ACACA: variants seen among roughly 807,000 people sequenced by gnomAD.
The protein encoded by ACACA is acetyl-CoA carboxylase 1.
ACACA carries 103 observed loss-of-function variants against 296.1 expected under a neutral mutation model. The ratio of observed to expected loss-of-function variants is 0.35; its 90% CI spans 0.30 to 0.41. The LOEUF is 0.41. ACACA is among the 10% of genes least tolerant of loss of function. The pLI, the probability that ACACA is intolerant of heterozygous loss-of-function variation, is 1.00. For synonymous variants in ACACA, 953 were observed against 1,038.6 expected, an observed-to-expected ratio of 0.92 and a Z score of 1.58; for missense variants, 1,554 against 2,989.7, an observed-to-expected ratio of 0.52 and a Z score of 11.20.
intron 45 of ACACA, chr17:37,144,024 A>G (rs531600303): frequency 2.6e-5 from 20 of 777,116 alleles, no homozygotes; most frequent in East Asian, 2.2e-4. Flanking sequence ...GTGCATTGGG[A>G]TCCCTGAACT....
intron 54 of ACACA, among the ~76,000 whole-genome samples, chr17:37,091,314 G>T (rs1433464490): frequency 6.6e-6 from 1 of 152,098 alleles, no homozygotes; most frequent in Non-Finnish European, 1.5e-5. Context: ...TGAAAATATG[G>T]GTCCTATAAA....
intron 3 of ACACA, among the ~76,000 whole-genome samples, chr17:37,320,898 G>A (rs2047324436): frequency 6.6e-6 from 1 of 150,576 alleles, no homozygotes. Flanking sequence ...AGTGAGCCGA[G>A]ATCACGCCAT....
At chr17:37,263,536 T>G (rs963202636) in intron 11 of ACACA, 149 bp downstream of exon 11, 1 of 712,470 alleles carries the variant, frequency 1.4e-6, no homozygotes, top group East Asian at 2.7e-5. Flanking sequence ...GGGAGAACAG[T>G]AGAATTTTTT....
intron 18 of ACACA, among the ~76,000 whole-genome samples, chr17:37,247,374 C>T (rs199927321): frequency 1.6e-4 from 23 of 145,644 alleles, no homozygotes; most frequent in South Asian, 2.1e-4. Flanking sequence ...TTGTGAATTT[C>T]TTTTTTTTTT....
intron 11 of ACACA, among the ~76,000 whole-genome samples, chr17:37,260,706 T>C (rs935800867): frequency 6.6e-6 from 1 of 150,636 alleles, no homozygotes; most frequent in African/African-American, 2.4e-5. Flanking sequence ...ACTTCAATCA[T>C]GCAAATGAGA....
chr17:37,310,605 A>C (rs4510071), intron 3 of ACACA, among the ~76,000 whole-genome samples: 75,785 of 151,246 alleles, frequency 0.5, 21,562 homozygotes, highest in East Asian at 0.75. Flanking sequence ...ACCAGCCTGG[A>C]CAACATGGTG....
At chr17:37,276,493 TA>T (rs2082290086) in intron 7 of ACACA, among the ~76,000 whole-genome samples, 1 of 152,240 alleles carries the variant, frequency 6.6e-6, no homozygotes, top group South Asian at 2.1e-4. Context: ...TTACAAAACA[TA>T]ATCTTCATTG....
intron 1 of ACACA, among the ~76,000 whole-genome samples, chr17:37,385,113 G>A (rs1481399725): frequency 6.6e-6 from 1 of 152,000 alleles, no homozygotes; most frequent in Non-Finnish European, 1.5e-5. Context: ...CTCCTAACAG[G>A]TTACCCTCCT....
chr17:37,277,161 C>G, intron 6 of ACACA, 47 bp from the exon 7 acceptor site: 1 of 1,532,432 alleles, frequency 6.5e-7, no homozygotes, highest in Non-Finnish European at 9.0e-7. Context: ...CATACAAAAC[C>G]CCCACAAACT....
intron 1 of ACACA, among the ~76,000 whole-genome samples, chr17:37,369,144 G>A (rs973410975): frequency 6.6e-6 from 1 of 152,104 alleles, no homozygotes; most frequent in Non-Finnish European, 1.5e-5. Context: ...GAAGAAATAC[G>A]GATGGATTTT....
chr17:37,288,218 TTC>T (rs2082881417), intron 3 of ACACA, among the ~76,000 whole-genome samples: 1 of 152,222 alleles, frequency 6.6e-6, no homozygotes, highest in Admixed American at 6.5e-5. Flanking sequence ...CTTTCATACA[TTC>T]TTTTTAATTT....
At chr17:37,186,040 G>T (rs573988350) in intron 39 of ACACA, among the ~76,000 whole-genome samples, 84 of 152,292 alleles carry the variant, frequency 5.5e-4, no homozygotes, top group Non-Finnish European at 9.6e-4. Flanking sequence ...AATCAACCTT[G>T]TTCCTTATTG....
At chr17:37,310,987 A>G (rs2084110424) in intron 3 of ACACA, among the ~76,000 whole-genome samples, 2 of 152,084 alleles carry the variant, frequency 1.3e-5, no homozygotes, top group Admixed American at 6.6e-5. Context: ...TTAGCAGAAA[A>G]GAAGGCATGT....
intron 25 of ACACA, among the ~76,000 whole-genome samples, chr17:37,234,548 G>A (rs933160458): frequency 2.6e-5 from 4 of 152,156 alleles, no homozygotes; most frequent in Non-Finnish European, 1.5e-5. Flanking sequence ...TCTGGTCAGA[G>A]AGGGGGAGTG....
At chr17:37,182,419 G>A (rs1460341721) in intron 39 of ACACA, among the ~76,000 whole-genome samples, 3 of 151,928 alleles carry the variant, frequency 2.0e-5, no homozygotes, top group Non-Finnish European at 4.4e-5. Flanking sequence ...AATAGCTCCT[G>A]CAATACCTAT....
chr17:37,216,829 T>C (rs1598208195), intron 29 of ACACA, among the ~76,000 whole-genome samples: 1 of 150,772 alleles, frequency 6.6e-6, no homozygotes, highest in South Asian at 2.1e-4. Context: ...GGGATTTTCC[T>C]GAATAAAAAA....
At chr17:37,381,176 TTTG>T (rs570921905) in intron 1 of ACACA, among the ~76,000 whole-genome samples, 13 of 152,000 alleles carry the variant, frequency 8.6e-5, no homozygotes, top group African/African-American at 2.2e-4. Context: ...TTATTGTTAT[TTTG>T]TTGTTGTTGT....
At chr17:37,391,829 T>C (rs1390747177) in intron 1 of ACACA, 26 of 1,043,810 alleles carry the variant, frequency 2.5e-5, no homozygotes, top group Non-Finnish European at 3.8e-5. Context: ...AGCAGGGACA[T>C]TACAATCAAA....
chr17:37,244,963 A>T, intron 20 of ACACA, 117 bp downstream of exon 20: 1 of 1,486,756 alleles, frequency 6.7e-7, no homozygotes, highest in Non-Finnish European at 9.4e-7. Flanking sequence ...CATAAGATTA[A>T]TAGGGGACAA....
Sources: gnomAD v4.1 joint callset for allele counts (sites outside exome capture counted in the v4.1 genomes callset) on GRCh38, gnomAD v4.1.1 for gene constraint, MANE v1.5 for transcripts, NCBI Gene and HGNC (gene_info 2026-07-23, HGNC 2026-07-21) for gene names.